Variants in NCMAP observed in about 807,000 individuals in gnomAD.
The protein encoded by NCMAP is non-compact myelin associated protein.
NCMAP carries 8 observed loss-of-function variants against 7.8 expected under a neutral mutation model. The observed-to-expected ratio is 1.02, with a 90% CI of 0.60 to 1.84. NCMAP has a LOEUF of 1.84. NCMAP is among the 40% of genes most tolerant of loss of function. The pLI, the probability that NCMAP is intolerant of heterozygous loss-of-function variation, is 0.00. For missense variants in NCMAP, 112 were observed against 131.4 expected, an observed-to-expected ratio of 0.85 and a Z score of 0.72; for synonymous variants, 41 against 52.9, an observed-to-expected ratio of 0.78 and a Z score of 0.98.
chr1:24,597,664 AAAG>A (rs1295481461), intron 2 of NCMAP, among the ~76,000 whole-genome samples: 95 of 136,572 alleles, frequency 7.0e-4, no homozygotes, highest in Non-Finnish European at 1.0e-3. Context: ...AGAAAGAAAG[AAAG>A]AAAGAAAAGA....
intron 1 of NCMAP, among the ~76,000 whole-genome samples, chr1:24,585,505 T>C (rs549415130): frequency 6.6e-6 from 1 of 152,254 alleles, no homozygotes; most frequent in South Asian, 2.1e-4. Flanking sequence ...AAGACACTGG[T>C]TCTTGTGAAG....
chr1:24,599,963 A>G lies in NCMAP; in HGVS notation c.83-977A>G, dbSNP rs181986635. 5.3e-5 allele frequency among the ~76,000 whole-genome samples: 8 copies of G among 151,556 alleles called. No individual in the cohort carries two copies. The East Asian group carries it at 7.8e-4, about 15-fold the overall frequency. ...TCCTTTAAGACAGATATTGAAACAT[A>G]TAAGTATTAAATTATTTAAAAACTA... On this transcript the variant is annotated intron_variant, in intron 2 of 3. Coordinates refer to ENST00000374392, the MANE Select transcript of NCMAP (RefSeq NM_001010980.5).
At chr1:24,600,638 GTTGT>G (rs1232799287) in intron 2 of NCMAP, among the ~76,000 whole-genome samples, 2 of 152,252 alleles carry the variant, frequency 1.3e-5, no homozygotes, top group African/African-American at 2.4e-5. Flanking sequence ...GGGAGGGTAT[GTTGT>G]TTGTTTGTTT....
chr1:24,601,997 C>T (rs1396160534), intron 3 of NCMAP, among the ~76,000 whole-genome samples: 2 of 151,012 alleles, frequency 1.3e-5, no homozygotes, highest in East Asian at 1.9e-4. Flanking sequence ...GCCGAGATCG[C>T]GCCACTGCAC....
chr1:24,598,040 T>C (rs1652321270), intron 2 of NCMAP, among the ~76,000 whole-genome samples: 1 of 152,064 alleles, frequency 6.6e-6, no homozygotes, highest in South Asian at 2.1e-4. Context: ...AGATTAAATA[T>C]CTTGCAATGC....
chr1:24,568,484 G>A (rs948663224), intron 1 of NCMAP, among the ~76,000 whole-genome samples: 1 of 152,138 alleles, frequency 6.6e-6, no homozygotes, highest in South Asian at 2.1e-4. Flanking sequence ...GGGGGTTTGG[G>A]GAGATCTTCC....
intron 1 of NCMAP, among the ~76,000 whole-genome samples, chr1:24,589,872 G>T (rs764563790): frequency 6.6e-5 from 10 of 152,042 alleles, no homozygotes; most frequent in Non-Finnish European, 1.5e-4. Flanking sequence ...ACCCAGGCTG[G>T]AGCGCAATGG....
intron 1 of NCMAP, among the ~76,000 whole-genome samples, chr1:24,587,852 G>A (rs917043974): frequency 5.9e-5 from 9 of 152,156 alleles, no homozygotes; most frequent in African/African-American, 2.2e-4. Context: ...TCACTTAGAA[G>A]AGGTAGCAGA....
At chr1:24,601,906 C>T (rs143505799) in intron 3 of NCMAP, among the ~76,000 whole-genome samples, 2,373 of 151,874 alleles carry the variant, frequency 0.016, 24 homozygotes, top group Non-Finnish European at 0.022. Context: ...CCGGGTGTGG[C>T]GGCGTGCGCC....
chr1:24,568,822 T>C (rs936166453), intron 1 of NCMAP, among the ~76,000 whole-genome samples: 6 of 152,068 alleles, frequency 3.9e-5, no homozygotes, highest in Admixed American at 2.6e-4. Flanking sequence ...GGGGTCTCGA[T>C]ATATTGCCCA....
chr1:24,603,177 A>G (rs1322007173), intron 3 of NCMAP, among the ~76,000 whole-genome samples: 2 of 152,174 alleles, frequency 1.3e-5, no homozygotes, highest in African/African-American at 4.8e-5. Flanking sequence ...CTCATCTAAC[A>G]ACCGCACGAG....
At chr1:24,589,187 G>A (rs1177944347) in intron 1 of NCMAP, among the ~76,000 whole-genome samples, 1 of 152,108 alleles carries the variant, frequency 6.6e-6, no homozygotes, top group African/African-American at 2.4e-5. Flanking sequence ...CGGACACATA[G>A]CGCATTATTA....
In NCMAP at chr1:24,576,455, G is replaced by T. The variant is rs1218234188; in HGVS notation, c.-7-18969G>T. Among the ~76,000 whole-genome samples the T allele has an allele frequency of 1.3e-5, 2 of 152,286 alleles. No homozygotes were observed. Among genetic ancestry groups the T allele is most frequent in the East Asian group, 3.9e-4 (2 of 5,176 alleles). On this transcript the variant is annotated intron_variant, in intron 1 of 3. Coordinates refer to ENST00000374392, the MANE Select transcript of NCMAP (RefSeq NM_001010980.5). The surrounding 1 kb of genome is among the most constrained non-coding windows in gnomAD (Gnocchi z 4.0). ...CTGTCCTCTCTGGAGTCCAGCGGCTGCCAGGCCCAGGCTTGGCAGGAAAGG... is the reference window on the plus strand; with the variant it reads ...CTGTCCTCTCTGGAGTCCAGCGGCTTCCAGGCCCAGGCTTGGCAGGAAAGG...
chr1:24,585,433 C>T (rs770280218), intron 1 of NCMAP, among the ~76,000 whole-genome samples: 18 of 152,280 alleles, frequency 1.2e-4, no homozygotes, highest in Admixed American at 2.6e-4. Flanking sequence ...GATGTGCTCA[C>T]GCTGACTTCC....
chr1:24,585,612 A>G (rs867795308), intron 1 of NCMAP, among the ~76,000 whole-genome samples: 5 of 152,208 alleles, frequency 3.3e-5, no homozygotes, highest in Admixed American at 6.5e-5. Flanking sequence ...ACCAAGGTCC[A>G]GGGAAGGGAG....
chr1:24,567,843 T>A (rs564800572), intron 1 of NCMAP, among the ~76,000 whole-genome samples: 2 of 152,142 alleles, frequency 1.3e-5, no homozygotes, highest in African/African-American at 4.8e-5. Flanking sequence ...GTGTGGAGTA[T>A]GTGGGTGCCC....
chr1:24,589,468 G>A (rs910556208), intron 1 of NCMAP: 9 of 152,262 alleles, frequency 5.9e-5, no homozygotes, highest in African/African-American at 2.2e-4. Flanking sequence ...GATGAGGCAA[G>A]ATATGCTCTG....
chr1:24,561,058 C>T (rs182627552), intron 1 of NCMAP, among the ~76,000 whole-genome samples: 135 of 151,728 alleles, frequency 8.9e-4, no homozygotes, highest in Non-Finnish European at 1.5e-3. Flanking sequence ...ATCATCCCGG[C>T]GCAGTGGCTC....
At chr1:24,581,076 A>G (rs1651729013) in intron 1 of NCMAP, among the ~76,000 whole-genome samples, 1 of 150,258 alleles carries the variant, frequency 6.7e-6, no homozygotes, top group Non-Finnish European at 1.5e-5. Flanking sequence ...AGAGATGAAT[A>G]GTCGTGCTCC....
Sources: gnomAD v4.1 joint callset for allele counts (sites outside exome capture counted in the v4.1 genomes callset) on GRCh38, gnomAD v4.1.1 for gene constraint, Gnocchi (gnomAD v3.1) non-coding constraint, MANE v1.5 for transcripts, NCBI Gene and HGNC (gene_info 2026-07-23, HGNC 2026-07-21) for gene names.